Variants in AGBL3 observed in about 807,000 individuals in gnomAD.
AGBL3 encodes AGBL carboxypeptidase 3, also known as cytosolic carboxypeptidase 3.
A neutral mutation model predicts 94.5 loss-of-function variants in AGBL3; 68 were observed. That is an observed-to-expected ratio of 0.72 (90% CI 0.59 to 0.88). The LOEUF (loss-of-function observed/expected upper bound fraction) is 0.88. Among genes scored for constraint, AGBL3 ranks in the 40% least tolerant of loss-of-function variants. The pLI is 0.00. For synonymous variants in AGBL3, 354 were observed against 370.7 expected (o/e 0.95, Z 0.52); for missense variants, 934 against 1,103.8 (o/e 0.85, Z 2.18).
intron 11 of AGBL3, among the ~76,000 whole-genome samples, chr7:135,046,577 G>A (rs1350402552): frequency 6.6e-6 from 1 of 151,950 alleles, no homozygotes; most frequent in Non-Finnish European, 1.5e-5. Context: ...CACAGTATGT[G>A]GCCTTTTCAG....
At chr7:135,124,932 C>T (rs773424005) in intron 16 of AGBL3, among the ~76,000 whole-genome samples, 7 of 152,156 alleles carry the variant, frequency 4.6e-5, no homozygotes, top group Non-Finnish European at 8.8e-5. Flanking sequence ...GCACTAAACA[C>T]CCACATCAGA....
At chr7:135,080,802 G>T (rs572915521) in intron 14 of AGBL3, among the ~76,000 whole-genome samples, 29 of 149,502 alleles carry the variant, frequency 1.9e-4, no homozygotes, top group Non-Finnish European at 3.6e-4. Context: ...CCTTTGGCAG[G>T]GGGAATCATA....
At chr7:135,065,229 GAATT>G (rs1273815665) in intron 12 of AGBL3, among the ~76,000 whole-genome samples, 9 of 152,158 alleles carry the variant, frequency 5.9e-5, no homozygotes, top group South Asian at 2.1e-4. Flanking sequence ...TGAATCAGAA[GAATT>G]AATATTGTCA....
At chr7:135,045,696 TAATTTCCCAGTAAC>T in intron 10 of AGBL3, 89 bp from the exon 11 acceptor site, 1 of 1,303,458 alleles carries the variant, frequency 7.7e-7, no homozygotes, top group East Asian at 2.5e-5. Flanking sequence ...TTTTAGCACT[TAATTTCCCAGTAAC>T]AATTGTTCCA....
At chr7:135,109,818 T>C (rs1825351209) in intron 15 of AGBL3, among the ~76,000 whole-genome samples, 1 of 152,080 alleles carries the variant, frequency 6.6e-6, no homozygotes, top group South Asian at 2.1e-4. Flanking sequence ...CCTCAGACTG[T>C]CTAGAGCCTG....
At chr7:134,999,745 A>G (rs1359327571) in intron 4 of AGBL3, among the ~76,000 whole-genome samples, 1 of 152,174 alleles carries the variant, frequency 6.6e-6, no homozygotes, top group Non-Finnish European at 1.5e-5. Flanking sequence ...CCAAACTTTG[A>G]TTATTTTTAA....
At chr7:135,070,686 T>C (rs1819819219) in intron 12 of AGBL3, among the ~76,000 whole-genome samples, 2 of 152,054 alleles carry the variant, frequency 1.3e-5, no homozygotes, top group Admixed American at 6.6e-5. Flanking sequence ...TGCTTCATGC[T>C]AAAAACTCTC....
At chr7:135,128,343 A>G in intron 16 of AGBL3, 1 of 328,750 alleles carries the variant, frequency 3.0e-6, no homozygotes, top group Non-Finnish European at 5.5e-6. Context: ...CAAAACAACA[A>G]GGCATTTGTA....
In AGBL3 at chr7:135,034,195, A is replaced by G. The variant is rs913801561; in HGVS notation, c.604A>G (p.Asn202Asp). 73 of 1,551,512 alleles carry G rather than the reference A, an allele frequency of 4.7e-5. No homozygotes were observed. The highest frequency in any genetic ancestry group is 6.3e-5 in the Non-Finnish European group (72 of 1,146,960). The change falls in exon 7 of 17, where the codon AAT becomes GAT. Residue 202 changes from asparagine to aspartate, a missense_variant. Asn to Asp is a conservative substitution (Grantham distance 23, BLOSUM62 1). Around this residue, in one of 3 missense-constraint regions of AGBL3, gnomAD observed 488 missense variants for 563.6 expected, o/e 0.87. Transcript: ENST00000436302. ...QLTVRPDLFT[N>D]KHTQWYYFQV... ...GACTGTACGCCCTGACCTCTTCACAAATAAACACACCCAGTGGTACTATTT... is the reference window on the plus strand; with the variant it reads ...GACTGTACGCCCTGACCTCTTCACAGATAAACACACCCAGTGGTACTATTT...
chr7:135,061,835 T>C (rs983739931), intron 12 of AGBL3, among the ~76,000 whole-genome samples: 2 of 152,152 alleles, frequency 1.3e-5, no homozygotes, highest in African/African-American at 4.8e-5. Context: ...GGTTTGTTCA[T>C]GTAGCTCAAG....
At chr7:135,123,843 T>C (rs1827484000) in intron 16 of AGBL3, among the ~76,000 whole-genome samples, 1 of 152,178 alleles carries the variant, frequency 6.6e-6, no homozygotes. Context: ...AAGCAAATAC[T>C]GAGGGGTTTC....
rs191758552 is a variant in AGBL3, at chr7:135,039,543, T to G, written c.1500+1963T>G. Among the ~76,000 whole-genome samples, 697 of 152,176 alleles carry G rather than the reference T, an allele frequency of 4.6e-3. 3 individuals are homozygous for G. The highest frequency in any genetic ancestry group is 0.016 in the African/African-American group (667 of 41,522). On this transcript the variant is annotated intron_variant, in intron 8 of 16. Transcript: ENST00000436302. ...TGAGGTCAGGAGTTCAAGACCAACT[T>G]GGCCAACATGGTGAAACCTCATCTC...
chr7:135,083,887 C>T (rs1430033041), intron 15 of AGBL3, among the ~76,000 whole-genome samples: 1 of 152,048 alleles, frequency 6.6e-6, no homozygotes, highest in African/African-American at 2.4e-5. Flanking sequence ...TTGATGTCAC[C>T]CCATAATTTG....
intron 5 of AGBL3, among the ~76,000 whole-genome samples, chr7:135,019,107 A>G (rs917466827): frequency 6.6e-6 from 1 of 152,200 alleles, no homozygotes; most frequent in African/African-American, 2.4e-5. Context: ...GTACACTGTT[A>G]TGTCTGAATT....
At chr7:135,089,918 G>A (rs1821634429) in intron 15 of AGBL3, among the ~76,000 whole-genome samples, 3 of 152,162 alleles carry the variant, frequency 2.0e-5, no homozygotes, top group African/African-American at 4.8e-5. Flanking sequence ...TCCAGTGCAT[G>A]TTCACTCTCT....
intron 16 of AGBL3, among the ~76,000 whole-genome samples, chr7:135,116,235 A>G (rs1826293422): frequency 6.6e-6 from 1 of 152,202 alleles, no homozygotes; most frequent in Non-Finnish European, 1.5e-5. Context: ...GAGGTTAAAT[A>G]ATTTGTCCAA....
In AGBL3 at chr7:135,034,139, T is replaced by C. The variant is rs1214540699; in HGVS notation, c.558-10T>C. ...TACGTGCTTTTTTCCCTTTCTTTCT[T>C]GTGTATTAGGGCAGAATACGAATAC... is the stretch of plus-strand genomic sequence containing the variant. On this transcript the variant is annotated splice_polypyrimidine_tract_variant and intron_variant, in intron 6 of 16. Coordinates refer to ENST00000436302, the MANE Select transcript of AGBL3 (RefSeq NM_178563.4). 2.9e-6 allele frequency: 4 copies of C among 1,400,816 alleles called. No individual in the cohort carries two copies. The East Asian group carries it at 8.1e-5, about 28-fold the overall frequency. The allele number at this position is 1,400,816 out of a possible 1,614,324, so 86.8% of individuals were successfully genotyped here. A position where few individuals can be genotyped will look rare whatever the true frequency, so the allele number is the denominator to read the frequency against.
intron 5 of AGBL3, among the ~76,000 whole-genome samples, chr7:135,020,577 G>T (rs1182809387): frequency 6.6e-6 from 1 of 152,122 alleles, no homozygotes; most frequent in African/African-American, 2.4e-5. Context: ...CCAAAGGATT[G>T]TAAGTCATGC....
chr7:135,051,665 A>G (rs1423331083), intron 11 of AGBL3, among the ~76,000 whole-genome samples: 4 of 152,042 alleles, frequency 2.6e-5, no homozygotes, highest in Non-Finnish European at 4.4e-5. Flanking sequence ...GTTCATAATT[A>G]TATTTCCAGT....
Sources: allele counts gnomAD v4.1 joint callset (sites outside exome capture counted in the v4.1 genomes callset), GRCh38; gene constraint gnomAD v4.1.1; regional missense constraint gnomAD v4.1.1; transcripts MANE v1.5; gene names NCBI Gene and HGNC (gene_info 2026-07-23, HGNC 2026-07-21).